Variants in PDE10A observed in about 807,000 individuals in gnomAD.
The protein encoded by PDE10A is phosphodiesterase 10A.
In PDE10A, 39 loss-of-function variants were observed where a neutral mutation model predicts 97.7. That is an observed-to-expected ratio of 0.40 (90% confidence interval 0.31 to 0.52). The LOEUF (loss-of-function observed/expected upper bound fraction) is 0.52. Among genes scored for constraint, PDE10A ranks in the 20% least tolerant of loss-of-function variants. The pLI, the probability that PDE10A is intolerant of heterozygous loss-of-function variation, is 0.56. For synonymous variants in PDE10A, 371 were observed against 376.8 expected (o/e 0.98, Z 0.18); for missense variants, 731 against 1,047.8 (o/e 0.70, Z 4.17).
intron 1 of PDE10A, among the ~76,000 whole-genome samples, chr6:165,943,225 A>AGG (rs1783614194): frequency 7.0e-4 from 50 of 71,408 alleles, no homozygotes; most frequent in African/African-American, 9.6e-4. Context: ...GAAAGAAAGA[A>AGG]AGAAAGAAAG....
chr6:165,856,334 A>G (rs1011977431), intron 1 of PDE10A, among the ~76,000 whole-genome samples: 2 of 152,090 alleles, frequency 1.3e-5, no homozygotes, highest in Admixed American at 1.3e-4. Flanking sequence ...GCCTGACTCT[A>G]CGGTGTCACC....
At chr6:165,629,496 T>A (rs1427606057) in intron 1 of PDE10A, among the ~76,000 whole-genome samples, 4 of 151,306 alleles carry the variant, frequency 2.6e-5, no homozygotes, top group Admixed American at 1.3e-4. Context: ...ACTGTCCAAG[T>A]AGAGAATGAA....
At chr6:165,629,519 A>AT (rs1259075034) in intron 1 of PDE10A, among the ~76,000 whole-genome samples, 10 of 140,122 alleles carry the variant, frequency 7.1e-5, no homozygotes, top group Admixed American at 2.1e-4. Context: ...AATATTAACA[A>AT]CCTTTTTTTT....
At chr6:165,531,198 A>C (rs1204880497) in intron 2 of PDE10A, among the ~76,000 whole-genome samples, 1 of 151,774 alleles carries the variant, frequency 6.6e-6, no homozygotes, top group Non-Finnish European at 1.5e-5. Flanking sequence ...TCCTTTTAGC[A>C]CTTGTATAAC....
chr6:165,885,577 C>A (rs1781607789), intron 1 of PDE10A, among the ~76,000 whole-genome samples: 1 of 152,164 alleles, frequency 6.6e-6, no homozygotes, highest in South Asian at 2.1e-4. Flanking sequence ...GTGAAGCTCT[C>A]CCCCATGCTG....
intron 5 of PDE10A, among the ~76,000 whole-genome samples, chr6:165,441,241 G>A (rs531151487): frequency 3.9e-5 from 6 of 152,236 alleles, no homozygotes; most frequent in East Asian, 3.9e-4. Flanking sequence ...CAGCCCCATC[G>A]AATTCATGGT....
At chr6:165,712,709 G>C (rs1351670565) in intron 1 of PDE10A, among the ~76,000 whole-genome samples, 1 of 138,460 alleles carries the variant, frequency 7.2e-6, no homozygotes, top group South Asian at 2.2e-4. Context: ...GCGCGATCTC[G>C]GCTCACTGCA....
intron 1 of PDE10A, among the ~76,000 whole-genome samples, chr6:165,857,705 G>GTGTA (rs1780783669): frequency 8.9e-6 from 1 of 111,988 alleles, no homozygotes; most frequent in Admixed American, 1.0e-4. Context: ...TTCCGTGTGT[G>GTGTA]TGTGTGTGTG....
chr6:165,804,112 C>A (rs113969156), intron 1 of PDE10A, among the ~76,000 whole-genome samples: 1 of 152,194 alleles, frequency 6.6e-6, no homozygotes, highest in Non-Finnish European at 1.5e-5. Context: ...TAACCAAGAT[C>A]TAGTCAATTT....
At chr6:165,745,226 C>T (rs1446936213) in intron 1 of PDE10A, among the ~76,000 whole-genome samples, 10 of 152,184 alleles carry the variant, frequency 6.6e-5, no homozygotes, top group Admixed American at 6.5e-4. Flanking sequence ...AATTTCTTCA[C>T]TCATGTACCC....
At chr6:165,979,098 A>T (rs1055235672) in intron 1 of PDE10A, among the ~76,000 whole-genome samples, 1 of 152,244 alleles carries the variant, frequency 6.6e-6, no homozygotes, top group Non-Finnish European at 1.5e-5. Flanking sequence ...TTTATTACTC[A>T]GAGTGAGGCT....
chr6:165,793,554 A>T (rs1445755711), intron 1 of PDE10A, among the ~76,000 whole-genome samples: 2 of 152,120 alleles, frequency 1.3e-5, no homozygotes, highest in Non-Finnish European at 2.9e-5. Flanking sequence ...CCCACCTGAC[A>T]CAACCTGTGC....
In PDE10A at chr6:165,662,592, G is replaced by A. The variant is rs1462957373; in HGVS notation, c.220C>T (p.Arg74Cys). ...CCGGGGCCCCCAGCGGGGCTGGGGCGGCCTGCGGAGGAGAGGGGCGGGCGC... is the reference window on the plus strand; with the variant it reads ...CCGGGGCCCCCAGCGGGGCTGGGGCAGCCTGCGGAGGAGAGGGGCGGGCGC... ...PPRPPLSSAG[R>C]PSPAGGPGAL... The change falls in exon 1 of 22, where the codon CGC becomes TGC. Residue 74 changes from arginine to cysteine, a missense_variant. Physicochemically the swap from Arg to Cys is radical, Grantham distance 180. Around this residue, in one of 8 missense-constraint regions of PDE10A, gnomAD observed 181 missense variants for 159.1 expected, o/e 1.14. Coordinates refer to ENST00000539869, the MANE Select transcript of PDE10A (RefSeq NM_001385079.1). 2 of 145,416 alleles carry A rather than the reference G, an allele frequency of 1.4e-5. No homozygotes were observed. The highest frequency in any genetic ancestry group is 4.1e-4 in the East Asian group (2 of 4,886). 9.0% of individuals were successfully genotyped at this position (145,416 alleles called of 1,614,324 possible). A position where few individuals can be genotyped will look rare whatever the true frequency, so the allele number is the denominator to read the frequency against.
intron 2 of PDE10A, among the ~76,000 whole-genome samples, chr6:165,484,518 T>A (rs1779790596): frequency 6.6e-6 from 1 of 152,220 alleles, no homozygotes; most frequent in Non-Finnish European, 1.5e-5. Context: ...GTGCTCCTTA[T>A]GAGAATCTAG....
At chr6:165,898,479 A>G (rs1235492900) in intron 1 of PDE10A, among the ~76,000 whole-genome samples, 1 of 151,898 alleles carries the variant, frequency 6.6e-6, no homozygotes, top group Non-Finnish European at 1.5e-5. Flanking sequence ...CGAAACCTGG[A>G]GATTGGGGAT....
chr6:165,745,998 G>A (rs1247968941), intron 1 of PDE10A, among the ~76,000 whole-genome samples: 1 of 152,122 alleles, frequency 6.6e-6, no homozygotes, highest in Admixed American at 6.5e-5. Context: ...ACTATTCTTT[G>A]TATATTTCTG....
At chr6:165,360,411 G>A (rs1442725652) in intron 18 of PDE10A, among the ~76,000 whole-genome samples, 1 of 152,192 alleles carries the variant, frequency 6.6e-6, no homozygotes, top group African/African-American at 2.4e-5. Context: ...CTGTCCCAGA[G>A]TCAGGAAATT....
At chr6:165,642,986 T>C (rs530481380) in intron 1 of PDE10A, among the ~76,000 whole-genome samples, 4 of 152,316 alleles carry the variant, frequency 2.6e-5, no homozygotes, top group East Asian at 3.9e-4. Context: ...ACTCAGTCCA[T>C]GGACCCTGTC....
In PDE10A at chr6:165,755,317, T is replaced by TA. The variant is rs1793093058; in HGVS notation, c.-614-211750dup. ...TAGTTGCCCAACTCTCACCATATTG[T>TA]AAAATAGCACTTGCGCGTTTTCAGT... On this transcript the variant is annotated intron_variant, in intron 1 of 19. Coordinates refer to the PDE10A transcript ENST00000366882. Among the ~76,000 whole-genome samples the TA allele has an allele frequency of 1.3e-5, 2 of 152,194 alleles. 1 individual carries two copies. Among genetic ancestry groups the TA allele is most frequent in the Admixed American group, 1.3e-4 (2 of 15,288 alleles).
Sources: allele counts gnomAD v4.1 joint callset (sites outside exome capture counted in the v4.1 genomes callset), GRCh38; gene constraint gnomAD v4.1.1; regional missense constraint gnomAD v4.1.1; transcripts MANE v1.5; gene names NCBI Gene and HGNC (gene_info 2026-07-23, HGNC 2026-07-21).